CDH6: variants seen among roughly 807,000 people sequenced by gnomAD.
CDH6 encodes cadherin 6.
CDH6 carries 31 observed loss-of-function variants against 78.0 expected under a neutral mutation model. The ratio of observed to expected loss-of-function variants is 0.40; its 90% CI spans 0.30 to 0.54. CDH6 has a LOEUF of 0.54. CDH6 is among the 20% of genes least tolerant of loss of function. The pLI is 0.56. For synonymous variants in CDH6, 376 were observed against 368.8 expected, an observed-to-expected ratio of 1.02 and a Z score of -0.23; for missense variants, 724 against 975.9, an observed-to-expected ratio of 0.74 and a Z score of 3.44.
At chr5:31,321,302 G>A (rs1321852152) in intron 11 of CDH6, among the ~76,000 whole-genome samples, 1 of 152,104 alleles carries the variant, frequency 6.6e-6, no homozygotes, top group Non-Finnish European at 1.5e-5. Context: ...GCAAAAGAGG[G>A]TGCATACAAC....
In CDH6 at chr5:31,193,808, C is replaced by G. The variant is rs1740078241; in HGVS notation, c.-207C>G. The G allele has an allele frequency of 1.3e-5, 2 of 153,922 alleles. No individual in the cohort carries two copies. The highest frequency in any genetic ancestry group is 1.3e-4 in the Admixed American group (2 of 15,298). The allele number at this position is 153,922 out of a possible 1,614,324, so 9.5% of individuals were successfully genotyped here. A position where few individuals can be genotyped will look rare whatever the true frequency, so the allele number is the denominator to read the frequency against. Reference sequence around the variant, plus strand: ...CAGCAAGAACGGCAGAGCCGGCGACCGCGGCGGCGGCGGCGGCGGAGGCAG... The same window carrying G: ...CAGCAAGAACGGCAGAGCCGGCGACGGCGGCGGCGGCGGCGGCGGAGGCAG... On this transcript the variant is annotated 5_prime_UTR_variant, in exon 1 of 12. Coordinates refer to ENST00000265071, the MANE Select transcript of CDH6 (RefSeq NM_004932.4).
intron 1 of CDH6, among the ~76,000 whole-genome samples, chr5:31,237,109 T>C (rs1016060725): frequency 1.3e-5 from 2 of 152,222 alleles, no homozygotes; most frequent in Non-Finnish European, 2.9e-5. Context: ...CCTCACCGTG[T>C]TTCAGAGAGG....
chr5:31,247,628 T>G (rs534579827), intron 1 of CDH6, among the ~76,000 whole-genome samples: 1 of 152,228 alleles, frequency 6.6e-6, no homozygotes, highest in Non-Finnish European at 1.5e-5. Flanking sequence ...CAGGAAGTGT[T>G]GTGCATGCAG....
intron 1 of CDH6, among the ~76,000 whole-genome samples, chr5:31,218,556 A>T (rs1028030078): frequency 2.0e-5 from 3 of 152,168 alleles, no homozygotes; most frequent in African/African-American, 7.2e-5. Context: ...ACCCAAGCCC[A>T]GGGTAAGCTC....
intron 1 of CDH6, among the ~76,000 whole-genome samples, chr5:31,246,995 C>G (rs1381355883): frequency 6.6e-6 from 1 of 152,178 alleles, no homozygotes; most frequent in Non-Finnish European, 1.5e-5. Context: ...AGGTGATCTG[C>G]CTGCCTTAGC....
Position 31,267,528 on chromosome 5 carries a change from A to G in CDH6, c.55A>G (p.Thr19Ala), listed in dbSNP as rs200308506. The change falls in exon 2 of 12, where the codon ACT (threonine) becomes GCT (alanine). Residue 19 changes from threonine to alanine, a missense_variant. Thr to Ala is a moderately conservative substitution (Grantham distance 58). This residue lies in a region of CDH6 where 58 missense variants were observed against 50.8 expected (regional missense o/e 1.14). Transcript: ENST00000265071. ...LLFWVGQPYP[T>A]LSTPLSKRTS... ...CTTTTGGGTGGGCCAGCCCTACCCA[A>G]CTCTCTCAACTCCACTATCAAAGAG... is the stretch of plus-strand genomic sequence containing the variant. The G allele has an allele frequency of 2.4e-5, 38 of 1,613,294 alleles. No individual in the cohort carries two copies. The highest frequency in any genetic ancestry group is 3.0e-5 in the Non-Finnish European group (35 of 1,179,892).
At chr5:31,246,297 A>T (rs1342778503) in intron 1 of CDH6, among the ~76,000 whole-genome samples, 1 of 152,054 alleles carries the variant, frequency 6.6e-6, no homozygotes, top group Non-Finnish European at 1.5e-5. Context: ...AATTTTTCTC[A>T]CTAAGGAATA....
intron 2 of CDH6, among the ~76,000 whole-genome samples, chr5:31,283,130 A>G (rs1032151187): frequency 4.6e-5 from 7 of 152,188 alleles, no homozygotes; most frequent in African/African-American, 1.4e-4. Context: ...TGGCTGTCAC[A>G]TCTTGGGAAG....
rs371316016 is a variant in CDH6 at position 31,299,493 on chromosome 5, G to A, written c.673G>A (p.Asp225Asn). ...GIIKTALLNM[D>N]RENREQYQVV... ...TATCAAGACAGCTTTGCTCAACATG[G>A]ATCGAGAAAACAGGGAGCAGTACCA... Residue 225 changes from aspartate to asparagine, a missense_variant, in exon 5 of 12, where the codon GAT becomes AAT. By Grantham distance (23) the Asp-to-Asn change is conservative (BLOSUM62 1). Coordinates refer to ENST00000265071, the MANE Select transcript of CDH6 (RefSeq NM_004932.4). The A allele has an allele frequency of 1.9e-5, 30 of 1,613,436 alleles. No homozygotes were observed. Among genetic ancestry groups the A allele is most frequent in the Non-Finnish European group, 2.5e-5 (29 of 1,179,724 alleles).
Position 31,328,650 on chromosome 5 carries a change from C to G in CDH6, c.*5342C>G. On this transcript the variant is annotated 3_prime_UTR_variant, in exon 12 of 12. Coordinates refer to ENST00000265071, the MANE Select transcript of CDH6 (RefSeq NM_004932.4). ...CCCACTGTGATTTGTGACTTTTAAACCCACAAAATAAAAGCTTTTTGGTAT... is the reference window on the plus strand; with the variant it reads ...CCCACTGTGATTTGTGACTTTTAAAGCCACAAAATAAAAGCTTTTTGGTAT... The G allele has an allele frequency of 4.8e-6, 1 of 208,040 alleles. No homozygotes were observed. The highest frequency in any genetic ancestry group is 2.3e-5 in the African/African-American group (1 of 44,012). 12.9% of individuals were successfully genotyped at this position (208,040 alleles called of 1,614,324 possible).
At chr5:31,247,470 G>T (rs931085650) in intron 1 of CDH6, among the ~76,000 whole-genome samples, 1 of 152,152 alleles carries the variant, frequency 6.6e-6, no homozygotes, top group Non-Finnish European at 1.5e-5. Context: ...TTGGTTTGCT[G>T]CCCCCACATT....
chr5:31,306,483 G>A (rs1247293789), intron 7 of CDH6, among the ~76,000 whole-genome samples: 1 of 152,140 alleles, frequency 6.6e-6, no homozygotes, highest in African/African-American at 2.4e-5. Flanking sequence ...AATGAGAAAA[G>A]TGCTAGCTGG....
intron 1 of CDH6, among the ~76,000 whole-genome samples, chr5:31,231,427 C>A (rs1275674574): frequency 2.0e-5 from 3 of 152,204 alleles, no homozygotes; most frequent in African/African-American, 7.2e-5. Flanking sequence ...TTCATGGACG[C>A]TTCCTGTCTC....
chr5:31,202,387 C>A (rs1740377566), intron 1 of CDH6, among the ~76,000 whole-genome samples: 1 of 152,290 alleles, frequency 6.6e-6, no homozygotes, highest in Admixed American at 6.5e-5. Context: ...CTAATCCCAG[C>A]ACTTTGGGAG....
intron 1 of CDH6, among the ~76,000 whole-genome samples, chr5:31,223,558 C>A (rs1412531152): frequency 6.6e-6 from 1 of 152,086 alleles, no homozygotes; most frequent in Non-Finnish European, 1.5e-5. Flanking sequence ...GTAGAATGTG[C>A]AGCTCTCAGT....
At chr5:31,285,161 C>G (rs532369843) in intron 2 of CDH6, among the ~76,000 whole-genome samples, 21 of 152,208 alleles carry the variant, frequency 1.4e-4, no homozygotes. Context: ...ATATGTGACC[C>G]TGCAACTTAC....
chr5:31,305,152 T>A (rs1579903544), intron 6 of CDH6, 22 bp from the exon 7 acceptor site: 2 of 1,597,542 alleles, frequency 1.3e-6, no homozygotes, highest in Non-Finnish European at 8.5e-7. Flanking sequence ...ATGTCACTTC[T>A]TCCCCCACCC....
chr5:31,306,718 A>AG (rs1166280325), intron 7 of CDH6, among the ~76,000 whole-genome samples: 1 of 152,188 alleles, frequency 6.6e-6, no homozygotes, highest in Non-Finnish European at 1.5e-5. Context: ...TCTAGGCACT[A>AG]GGGAATACAG....
intron 6 of CDH6, 59 bp from the exon 7 acceptor site, chr5:31,305,115 G>A: frequency 6.5e-7 from 1 of 1,542,294 alleles, no homozygotes; most frequent in Non-Finnish European, 8.7e-7. Context: ...TCGTGTCTTG[G>A]CTTTCTGTGT....
Sources: allele counts gnomAD v4.1 joint callset (sites outside exome capture counted in the v4.1 genomes callset), GRCh38; gene constraint gnomAD v4.1.1; regional missense constraint gnomAD v4.1.1; transcripts MANE v1.5; gene names NCBI Gene and HGNC (gene_info 2026-07-23, HGNC 2026-07-21).